Variants in RHPN1 observed in about 807,000 individuals in gnomAD.
The protein encoded by RHPN1 is rhophilin-1.
In RHPN1, 77 loss-of-function variants were observed where a neutral mutation model predicts 74.7. That is an observed-to-expected ratio of 1.03 (90% CI 0.86 to 1.25). The LOEUF is 1.25. Ranked by LOEUF, RHPN1 falls within the 50% of genes most tolerant of loss-of-function variation. The probability of loss-of-function intolerance (pLI) is 0.00; values close to 1 mark genes in which losing one functional copy is unlikely to be tolerated. For synonymous variants in RHPN1, 444 were observed against 414.5 expected, an observed-to-expected ratio of 1.07 and a Z score of -0.87; for missense variants, 987 against 932.2, an observed-to-expected ratio of 1.06 and a Z score of -0.77.
At position 143,382,980 on chromosome 8, in the gene RHPN1, G is replaced by A. The variant is rs1461535694; in HGVS notation, c.*329G>A. ...CCCGGGCTCTGTCCACCCTGCTGCT[G>A]CCCTGGGCACAGACCCTGAGGTCTC... On this transcript the variant is annotated 3_prime_UTR_variant, in exon 15 of 15. Transcript: ENST00000289013. 2.8e-6 allele frequency: 1 copy of A among 350,906 alleles called. No homozygotes were observed. The highest frequency in any genetic ancestry group is 2.1e-5 in the African/African-American group (1 of 47,648). 21.7% of individuals were successfully genotyped at this position (350,906 alleles called of 1,614,324 possible). A position where few individuals can be genotyped will look rare whatever the true frequency, so the allele number is the denominator to read the frequency against.
chr8:143,364,800 C>G (rs145291310), upstream of RHPN1, among the ~76,000 whole-genome samples: 145 of 152,220 alleles, frequency 9.5e-4, no homozygotes, highest in Middle Eastern at 3.4e-3. This position sits in a 1 kb window ranked among gnomAD's most constrained non-coding sequence, Gnocchi z 4.5. Context: ...ATTGTATTTA[C>G]AAACAATTCA....
rs528443000 is a variant in RHPN1 at position 143,376,672 on chromosome 8, A to G, written c.305+19A>G. On this transcript the variant is annotated intron_variant, in intron 3 of 14. Transcript: ENST00000289013. ...ATGGGAGGTGCGGGTGGGGGCCGGG[A>G]CAGCACGTGCGTGTATGTGTGTGCA... 9.7e-6 allele frequency: 15 copies of G among 1,552,828 alleles called. 1 individual carries two copies. In the African/African-American group the frequency reaches 1.6e-4, roughly 17 times the overall value.
At chr8:143,375,372 G>T (rs1586813417) in intron 1 of RHPN1, among the ~76,000 whole-genome samples, 181 bp from the exon 2 acceptor site, 1 of 152,204 alleles carries the variant, frequency 6.6e-6, no homozygotes, top group Admixed American at 6.5e-5. Context: ...TCCTGCTCTG[G>T]CCAGGCCTGT....
chr8:143,369,643 G>A (rs1817694525), intron 1 of RHPN1, among the ~76,000 whole-genome samples: 1 of 152,160 alleles, frequency 6.6e-6, no homozygotes, highest in Non-Finnish European at 1.5e-5. Flanking sequence ...GCCTGGGAAG[G>A]AGGGGACGTC....
At chr8:143,365,865 C>T (rs755959728), upstream of RHPN1, among the ~76,000 whole-genome samples, 11 of 151,714 alleles carry the variant, frequency 7.3e-5, no homozygotes, top group Admixed American at 1.3e-4. Context: ...GATGTGGTGG[C>T]GCATGCAAGC....
Position 143,376,657 on chromosome 8 carries a change from C to CG in RHPN1, c.305+7dup, listed in dbSNP as rs764345909. The CG allele has an allele frequency of 5.1e-5, 79 of 1,560,460 alleles. 1 individual carries two copies. The African/African-American group carries it at 1.1e-3, about 21-fold the overall frequency. The stretch of plus-strand genomic sequence containing the variant: ...TGGACCCTGGCCGGCATGGGAGGTG[C>CG]GGGTGGGGGCCGGGACAGCACGTGC... On this transcript the variant is annotated splice_donor_region_variant and intron_variant, in intron 3 of 14. Coordinates refer to ENST00000289013, the MANE Select transcript of RHPN1 (RefSeq NM_052924.3).
intron 3 of RHPN1, 51 bp downstream of exon 3, chr8:143,376,704 C>CGT (rs761483146): frequency 2.1e-5 from 32 of 1,520,232 alleles, no homozygotes; most frequent in South Asian, 2.4e-5. Context: ...TGCACGTGTG[C>CGT]GTGTGTGTGT....
upstream of RHPN1, chr8:143,367,151 G>C (rs1306100466): frequency 1.3e-5 from 2 of 152,168 alleles, no homozygotes; most frequent in Admixed American, 6.5e-5. Flanking sequence ...AAGCTGAAGG[G>C]CTCCCAGGGA....
rs532574633 is a variant in RHPN1 at position 143,380,055 on chromosome 8, C to T, written c.1103-7C>T. 6 of 1,543,560 alleles carry T rather than the reference C, an allele frequency of 3.9e-6. No individual in the cohort carries two copies. Among genetic ancestry groups the T allele is most frequent in the Non-Finnish European group, 5.2e-6 (6 of 1,143,670 alleles). On this transcript the variant is annotated splice_polypyrimidine_tract_variant and splice_region_variant and intron_variant, in intron 9 of 14. Coordinates refer to ENST00000289013, the MANE Select transcript of RHPN1 (RefSeq NM_052924.3). ...CGCGCAGGGCTCACAGCCTCTCTGT[C>T]CCCCAGCAGCGACCGAGGGAGAGCT...
At position 143,380,738 on chromosome 8, in the gene RHPN1, C is replaced by T. The variant is rs373823227; in HGVS notation, c.1366C>T (p.Arg456Cys). 8.2e-6 allele frequency: 13 copies of T among 1,594,274 alleles called. No homozygotes were observed. Among genetic ancestry groups the T allele is most frequent in the South Asian group, 2.3e-5 (2 of 87,896 alleles). ...ACTGGCCAAGTATGCGGAGCTCGACCGTGAGGATGACTTCTGTGAGGCTGC... is the reference window on the plus strand; with the variant it reads ...ACTGGCCAAGTATGCGGAGCTCGACTGTGAGGATGACTTCTGTGAGGCTGC... Reference protein sequence around the residue: ...RSLAKYAELDREDDFCEAAEA... With the variant: ...RSLAKYAELDCEDDFCEAAEA... Residue 456 changes from arginine to cysteine, a missense_variant, in exon 11 of 15, where the codon CGT becomes TGT. By Grantham distance (180) the Arg-to-Cys change is radical. Transcript: ENST00000289013.
At position 143,377,501 on chromosome 8, in the gene RHPN1, G is replaced by A. The variant is rs765308844; in HGVS notation, c.381+46G>A. 7.8e-6 allele frequency: 11 copies of A among 1,411,130 alleles called. No individual in the cohort carries two copies. The South Asian group carries it at 8.3e-5, about 11-fold the overall frequency. 87.4% of individuals were successfully genotyped at this position (1,411,130 alleles called of 1,614,324 possible). On this transcript the variant is annotated intron_variant, in intron 4 of 14. Transcript: ENST00000289013. ...TCTGAGATACACGGCCCTGCCCTGG[G>A]ACCAAGGGGGTCTTGGAGGCTTTCT...
chr8:143,364,484 C>T (rs1035534065), upstream of RHPN1, among the ~76,000 whole-genome samples: 1 of 152,120 alleles, frequency 6.6e-6, no homozygotes, highest in Non-Finnish European at 1.5e-5. The surrounding 1 kb of genome is among the most constrained non-coding windows in gnomAD (Gnocchi z 4.5). Context: ...ACGGAGGCCC[C>T]ACCAGGGCCT....
chr8:143,365,334 C>T (rs1028094010), upstream of RHPN1, among the ~76,000 whole-genome samples: 1 of 152,324 alleles, frequency 6.6e-6, no homozygotes, highest in African/African-American at 2.4e-5. Flanking sequence ...AGCCAGTCCC[C>T]AGCATGGCCT....
In RHPN1 at chr8:143,378,356, T is replaced by TCCCCCCCCCCCCCCCCCCCCC; in HGVS notation, c.459+15_459+16insCCCCCCCCCCCCCCCCCCCCC. ...GGAGGCCCTGCGGCAGGTGTGTGGT[T>TCCCCCCCCCCCCCCCCCCCCC]CCCCCGCCCACCCACCCTCCTGCAG... On this transcript the variant is annotated intron_variant, in intron 5 of 14. Transcript: ENST00000289013. 1 of 1,525,438 alleles carries TCCCCCCCCCCCCCCCCCCCCC rather than the reference T, an allele frequency of 6.6e-7. No individual in the cohort carries two copies. Among genetic ancestry groups the TCCCCCCCCCCCCCCCCCCCCC allele is most frequent in the East Asian group, 2.5e-5 (1 of 40,516 alleles). The allele number at this position is 1,525,438 out of a possible 1,614,324, so 94.5% of individuals were successfully genotyped here. A position where few individuals can be genotyped will look rare whatever the true frequency, so the allele number is the denominator to read the frequency against.
rs368341998 is a variant in RHPN1 at position 143,378,311 on chromosome 8, G to A, written c.424G>A (p.Glu142Lys). Residue 142 changes from glutamate to lysine, a missense_variant, in exon 5 of 15, where the codon GAG becomes AAG. Transcript: ENST00000289013. ...CTTTGGAGAGGACGGCGCCTCCTACGAGGCAGAAATCAGGGAGCTGGAGGC... is the reference window on the plus strand; with the variant it reads ...CTTTGGAGAGGACGGCGCCTCCTACAAGGCAGAAATCAGGGAGCTGGAGGC... ...VHFGEDGASY[E>K]AEIRELEALR... 9.6e-6 allele frequency: 15 copies of A among 1,569,142 alleles called. No homozygotes were observed. The highest frequency in any genetic ancestry group is 9.5e-5 in the East Asian group (4 of 42,206).
chr8:143,365,969 T>C (rs1477970175), upstream of RHPN1, among the ~76,000 whole-genome samples: 5 of 142,480 alleles, frequency 3.5e-5, no homozygotes, highest in African/African-American at 5.3e-5. Flanking sequence ...ACCACTGCAC[T>C]CCAGCCTGGG....
chr8:143,371,716 C>T (rs1465343489), intron 1 of RHPN1, among the ~76,000 whole-genome samples: 2 of 152,198 alleles, frequency 1.3e-5, no homozygotes, highest in African/African-American at 4.8e-5. Flanking sequence ...CTCTCGGGAC[C>T]CCCACAGACC....
intron 1 of RHPN1, among the ~76,000 whole-genome samples, chr8:143,374,881 T>C (rs1367005837): frequency 6.6e-6 from 1 of 152,206 alleles, no homozygotes; most frequent in African/African-American, 2.4e-5. Context: ...TCTTTCGCCA[T>C]GGCTGGTGCT....
At chr8:143,374,419 C>A in intron 1 of RHPN1, 2 of 733,110 alleles carry the variant, frequency 2.7e-6, no homozygotes, top group Non-Finnish European at 3.3e-6. Context: ...TGTCTTGCTG[C>A]TGACTGGCAG....
Sources: allele counts gnomAD v4.1 joint callset (sites outside exome capture counted in the v4.1 genomes callset), GRCh38; gene constraint gnomAD v4.1.1; non-coding constraint Gnocchi (gnomAD v3.1); transcripts MANE v1.5; gene names NCBI Gene and HGNC (gene_info 2026-07-23, HGNC 2026-07-21).